Variants in BMPR1B observed in about 807,000 individuals in gnomAD.
The protein encoded by BMPR1B is bone morphogenetic protein receptor type 1B.
In BMPR1B, 12 loss-of-function variants were observed where a neutral mutation model predicts 59.1. That is an observed-to-expected ratio of 0.20 (90% confidence interval 0.13 to 0.33). The LOEUF (loss-of-function observed/expected upper bound fraction) is 0.33. BMPR1B is among the 10% of genes least tolerant of loss of function. The probability of loss-of-function intolerance (pLI) is 1.00; values close to 1 mark genes in which losing one functional copy is unlikely to be tolerated. For synonymous variants in BMPR1B, 237 were observed against 207.3 expected, an observed-to-expected ratio of 1.14 and a Z score of -1.23; for missense variants, 550 against 610.9, an observed-to-expected ratio of 0.90 and a Z score of 1.05.
intron 3 of BMPR1B, among the ~76,000 whole-genome samples, chr4:95,060,279 C>G (rs1279639697): frequency 6.6e-6 from 1 of 152,146 alleles, no homozygotes; most frequent in Non-Finnish European, 1.5e-5. Flanking sequence ...TATTCTTTCC[C>G]TACAGATAGA....
chr4:94,891,755 A>G (rs1260270723), intron 2 of BMPR1B, among the ~76,000 whole-genome samples: 1 of 152,086 alleles, frequency 6.6e-6, no homozygotes, highest in Non-Finnish European at 1.5e-5. Flanking sequence ...ATCAGTTACA[A>G]TTTTGATCAA....
At chr4:95,153,782 G>A (rs565106753) in intron 12 of BMPR1B, among the ~76,000 whole-genome samples, 77 of 152,266 alleles carry the variant, frequency 5.1e-4, no homozygotes, top group African/African-American at 1.8e-3. Context: ...CCCGGAAGGC[G>A]GAGGTTGCAA....
At chr4:95,002,996 T>TA (rs1578909413) in intron 3 of BMPR1B, among the ~76,000 whole-genome samples, 1 of 151,842 alleles carries the variant, frequency 6.6e-6, no homozygotes, top group African/African-American at 2.4e-5. Context: ...TTCCTTTATT[T>TA]AAAAAAAAAT....
intron 2 of BMPR1B, among the ~76,000 whole-genome samples, chr4:94,916,033 G>A (rs1284237453): frequency 2.0e-5 from 3 of 152,208 alleles, no homozygotes; most frequent in African/African-American, 7.2e-5. Context: ...GCTCCCTGAG[G>A]CCTCCCAAGA....
chr4:95,071,640 GTGTGTGTGTGTGTATATA>G (rs1728284971), intron 3 of BMPR1B, among the ~76,000 whole-genome samples: 1 of 83,290 alleles, frequency 1.2e-5, no homozygotes, highest in South Asian at 3.5e-4. Context: ...GTTTGTGTGT[GTGTGTGTGTGTGTATATA>G]TATATATATA....
At chr4:94,760,279 C>T (rs1211301415) in intron 1 of BMPR1B, among the ~76,000 whole-genome samples, 2 of 152,126 alleles carry the variant, frequency 1.3e-5, no homozygotes, top group Non-Finnish European at 1.5e-5. Flanking sequence ...ATTATTGTCC[C>T]TGAGTGACGT....
rs185186805 is a variant in BMPR1B, at chr4:95,119,818, G to A, written c.350-3992G>A. Among the ~76,000 whole-genome samples the A allele has an allele frequency of 3.0e-4, 45 of 152,284 alleles. No individual in the cohort carries two copies. The East Asian group carries it at 8.1e-3, about 27-fold the overall frequency. On this transcript the variant is annotated intron_variant, in intron 6 of 12. Transcript: ENST00000515059. ...AGTAAATCATAACACTGACCATCAT[G>A]AAGTTTGGATAAGAAATTCATAGTG...
At chr4:94,972,428 T>A (rs947739117) in intron 2 of BMPR1B, among the ~76,000 whole-genome samples, 3 of 152,140 alleles carry the variant, frequency 2.0e-5, no homozygotes, top group Admixed American at 2.0e-4. Context: ...CAACCACAGA[T>A]AACATTTTGG....
intron 2 of BMPR1B, among the ~76,000 whole-genome samples, chr4:94,896,109 T>C (rs1201159681): frequency 6.6e-6 from 1 of 152,032 alleles, no homozygotes; most frequent in Non-Finnish European, 1.5e-5. Flanking sequence ...AAAAGCTCTT[T>C]TGGGATTTGT....
At chr4:94,888,435 A>G (rs977714971) in intron 2 of BMPR1B, among the ~76,000 whole-genome samples, 1 of 152,240 alleles carries the variant, frequency 6.6e-6, no homozygotes, top group South Asian at 2.1e-4. Context: ...TACTGTAGGC[A>G]GATGTTAAAG....
At chr4:94,909,793 G>A (rs1039061357) in intron 2 of BMPR1B, among the ~76,000 whole-genome samples, 1 of 152,056 alleles carries the variant, frequency 6.6e-6, no homozygotes, top group Non-Finnish European at 1.5e-5. Flanking sequence ...AAACCACTCA[G>A]AAACCACTGC....
intron 1 of BMPR1B, among the ~76,000 whole-genome samples, chr4:94,841,079 G>T (rs1725045816): frequency 6.7e-6 from 1 of 148,362 alleles, no homozygotes; most frequent in Non-Finnish European, 1.5e-5. Flanking sequence ...CTGTTCGGGT[G>T]TCAGGGGTCA....
In BMPR1B at chr4:94,812,847, C is replaced by G. The variant is rs144815477; in HGVS notation, c.-183+54779C>G. Among the ~76,000 whole-genome samples, 836 of 152,038 alleles carry G rather than the reference C, an allele frequency of 5.5e-3. 3 individuals are homozygous for G. The highest frequency in any genetic ancestry group is 0.01 in the Middle Eastern group (3 of 294). On this transcript the variant is annotated intron_variant, in intron 1 of 12. Coordinates refer to ENST00000515059, the MANE Select transcript of BMPR1B (RefSeq NM_001203.3). Reference sequence around the variant, plus strand: ...TATACAATTGAGTAGCATATTTGACCAAAACTTTAATAAATTTATTTTAAA... The same window carrying G: ...TATACAATTGAGTAGCATATTTGACGAAAACTTTAATAAATTTATTTTAAA...
chr4:94,985,523 G>GTGTGTGTGTT (rs748627034), intron 2 of BMPR1B, among the ~76,000 whole-genome samples: 5 of 56,138 alleles, frequency 8.9e-5, no homozygotes, highest in Admixed American at 3.7e-4. Context: ...GTGTGTGTGT[G>GTGTGTGTGTT]TGTGTGTGTG....
chr4:94,839,354 G>T (rs1475553274), intron 1 of BMPR1B, among the ~76,000 whole-genome samples: 1 of 145,848 alleles, frequency 6.9e-6, no homozygotes, highest in Non-Finnish European at 1.5e-5. Context: ...AATGTTGACA[G>T]TGGGGTGTTA....
At chr4:94,818,900 G>A (rs1218728638) in intron 1 of BMPR1B, among the ~76,000 whole-genome samples, 2 of 152,280 alleles carry the variant, frequency 1.3e-5, no homozygotes, top group East Asian at 3.9e-4. Flanking sequence ...GGGAGGCTGA[G>A]GTGGGAGGAT....
intron 1 of BMPR1B, among the ~76,000 whole-genome samples, chr4:94,858,569 A>G (rs571193027): frequency 6.6e-6 from 1 of 152,298 alleles, no homozygotes; most frequent in South Asian, 2.1e-4. Flanking sequence ...GTTTCTCCTG[A>G]ACTGTAAATT....
intron 5 of BMPR1B, 73 bp downstream of exon 5, chr4:95,114,895 ATTC>A: frequency 7.0e-7 from 1 of 1,423,504 alleles, no homozygotes; most frequent in Non-Finnish European, 9.9e-7. Flanking sequence ...AGATAAAACC[ATTC>A]TTTTTCTTGG....
At chr4:94,967,571 C>G (rs1427455560) in intron 2 of BMPR1B, among the ~76,000 whole-genome samples, 1 of 152,050 alleles carries the variant, frequency 6.6e-6, no homozygotes, top group East Asian at 1.9e-4. Context: ...CAGCCTCTAC[C>G]TCCTGGGTTC....
Sources: allele counts gnomAD v4.1 joint callset (sites outside exome capture counted in the v4.1 genomes callset), GRCh38; gene constraint gnomAD v4.1.1; transcripts MANE v1.5; gene names NCBI Gene and HGNC (gene_info 2026-07-23, HGNC 2026-07-21).